The following MTHFD1L variants were observed in gnomAD, a reference collection of about 807,000 sequenced individuals.
MTHFD1L encodes methylenetetrahydrofolate dehydrogenase (NADP+ dependent) 1 like, also known as monofunctional C1-tetrahydrofolate synthase, mitochondrial.
MTHFD1L carries 81 observed loss-of-function variants against 119.5 expected under a neutral mutation model. The ratio of observed to expected loss-of-function variants is 0.68; its 90% confidence interval spans 0.57 to 0.82. The LOEUF (loss-of-function observed/expected upper bound fraction) is 0.82, where lower values mean the gene tolerates loss of function less well. Ranked by LOEUF, MTHFD1L falls within the 40% of genes least tolerant of loss-of-function variation. The probability of loss-of-function intolerance (pLI) is 0.00; values close to 1 mark genes in which losing one functional copy is unlikely to be tolerated. For synonymous variants in MTHFD1L, 430 were observed against 475.2 expected (o/e 0.90, Z 1.24); for missense variants, 1,125 against 1,253.4 (o/e 0.90, Z 1.55).
In MTHFD1L at chr6:150,998,822, C is replaced by CAAAA. The variant is rs72203332; in HGVS notation, c.2126-10984_2126-10981dup. 7.0e-4 allele frequency among the ~76,000 whole-genome samples: 71 copies of CAAAA among 101,126 alleles called. 1 individual carries two copies. The highest frequency in any genetic ancestry group is 2.4e-3 in the African/African-American group (67 of 27,526). The allele number at this position is 101,126 out of a possible 152,430, so 66.3% of individuals were successfully genotyped here. On this transcript the variant is annotated intron_variant, in intron 20 of 27. Coordinates refer to ENST00000367321, the MANE Select transcript of MTHFD1L (RefSeq NM_015440.5). ...TGAAACCCTGTCTCCTCTAAAAATA[C>CAAAA]AAAAAAAAAAAAAAAACATTAGCTG...
At chr6:150,872,623 A>G (rs1779728753) in intron 1 of MTHFD1L, among the ~76,000 whole-genome samples, 1 of 152,172 alleles carries the variant, frequency 6.6e-6, no homozygotes, top group South Asian at 2.1e-4. Flanking sequence ...AAAATGAAAA[A>G]GTTTGAAATA....
At position 150,887,879 on chromosome 6, in the gene MTHFD1L, G is replaced by T. The variant is rs752207290; in HGVS notation, c.678G>T (p.Val226=). The T allele has an allele frequency of 6.2e-7, 1 of 1,607,242 alleles. No individual in the cohort carries two copies. Among genetic ancestry groups the T allele is most frequent in the Non-Finnish European group, 8.5e-7 (1 of 1,177,372 alleles). The change falls in exon 7 of 28, where the codon GTG becomes GTT. Residue 226 remains valine (V), a synonymous_variant. Transcript: ENST00000367321. Reference sequence around the variant, plus strand: ...TAGATGGAAAGAAGATTTTGGTAGTGGGGGCCCATGGGTCTTTGGAAGCTG... The same window carrying T: ...TAGATGGAAAGAAGATTTTGGTAGTTGGGGCCCATGGGTCTTTGGAAGCTG... ...VNLDGKKILV[V]GAHGSLEAAL... is the part of the protein sequence containing the mutation.
chr6:151,094,403 C>T (rs931777280), intron 27 of MTHFD1L, among the ~76,000 whole-genome samples: 3 of 152,178 alleles, frequency 2.0e-5, no homozygotes, highest in Non-Finnish European at 4.4e-5. Context: ...CGCGCTATCA[C>T]CTAGGCTGGA....
At chr6:150,960,188 G>A in intron 17 of MTHFD1L, 87 bp from the exon 18 acceptor site, 1 of 1,493,186 alleles carries the variant, frequency 6.7e-7, no homozygotes, top group Non-Finnish European at 8.9e-7. Context: ...GCCTGTGGTT[G>A]CTTCATGGCT....
At chr6:151,051,467 G>C (rs1277956465) in intron 26 of MTHFD1L, among the ~76,000 whole-genome samples, 1 of 152,164 alleles carries the variant, frequency 6.6e-6, no homozygotes, top group Admixed American at 6.5e-5. Flanking sequence ...GCATAGTCAG[G>C]GATAAGAGGT....
At chr6:150,883,311 G>A (rs755245719) in intron 5 of MTHFD1L, among the ~76,000 whole-genome samples, 2 of 152,166 alleles carry the variant, frequency 1.3e-5, no homozygotes, top group South Asian at 4.1e-4. Context: ...GATTACAGGC[G>A]TGAGCCACCG....
chr6:150,893,121 G>A (rs1166567246), intron 7 of MTHFD1L, among the ~76,000 whole-genome samples: 1 of 152,188 alleles, frequency 6.6e-6, no homozygotes, highest in Non-Finnish European at 1.5e-5. Flanking sequence ...CTGGAGTGCA[G>A]TGGCGCGATC....
intron 26 of MTHFD1L, among the ~76,000 whole-genome samples, chr6:151,091,377 G>T (rs1372928966): frequency 2.0e-5 from 3 of 152,114 alleles, no homozygotes; most frequent in Non-Finnish European, 4.4e-5. Flanking sequence ...GGTCATCCGG[G>T]AGCCCCAGGA....
chr6:151,029,652 C>A (rs7746964), intron 24 of MTHFD1L, among the ~76,000 whole-genome samples: 2 of 151,784 alleles, frequency 1.3e-5, no homozygotes, highest in African/African-American at 4.8e-5. Flanking sequence ...CAAAATTAGC[C>A]GGGCGTGGTG....
At chr6:151,031,854 A>G (rs1486975208) in intron 24 of MTHFD1L, among the ~76,000 whole-genome samples, 1 of 152,066 alleles carries the variant, frequency 6.6e-6, no homozygotes, top group Non-Finnish European at 1.5e-5. Context: ...TATTGGGTTT[A>G]TTTGGAGGCC....
chr6:151,040,408 A>G (rs538638227), intron 26 of MTHFD1L, among the ~76,000 whole-genome samples: 2 of 152,230 alleles, frequency 1.3e-5, no homozygotes, highest in African/African-American at 2.4e-5. Context: ...TGAGCATTTA[A>G]TAGCCATTAA....
chr6:150,954,867 T>G (rs1795383404), intron 16 of MTHFD1L, among the ~76,000 whole-genome samples: 1 of 151,866 alleles, frequency 6.6e-6, no homozygotes. Context: ...CGCCTCAGCC[T>G]CCCAAAGTGC....
chr6:150,990,888 C>T (rs1354106562), intron 20 of MTHFD1L, among the ~76,000 whole-genome samples: 2 of 151,718 alleles, frequency 1.3e-5, no homozygotes, highest in Non-Finnish European at 2.9e-5. Context: ...TGTAGTCTCG[C>T]TCTGTCACCC....
At chr6:151,015,077 T>C in intron 23 of MTHFD1L, 97 bp downstream of exon 23, 1 of 954,348 alleles carries the variant, frequency 1.0e-6, no homozygotes, top group Non-Finnish European at 1.6e-6. Context: ...CTGTGCTTCA[T>C]CTAAAAGTAT....
intron 27 of MTHFD1L, among the ~76,000 whole-genome samples, chr6:151,100,135 G>A (rs1795251940): frequency 6.7e-6 from 1 of 149,984 alleles, no homozygotes; most frequent in East Asian, 2.0e-4. Context: ...CCGGGTTCAC[G>A]CCATTCTCCT....
At chr6:150,925,770 A>C (rs549144782) in intron 10 of MTHFD1L, among the ~76,000 whole-genome samples, 1 of 152,296 alleles carries the variant, frequency 6.6e-6, no homozygotes, top group African/African-American at 2.4e-5. Flanking sequence ...GCTAATGAAT[A>C]CCATGATGGC....
chr6:150,909,185 A>G (rs911832251), intron 8 of MTHFD1L, among the ~76,000 whole-genome samples: 25 of 152,002 alleles, frequency 1.6e-4, no homozygotes, highest in Non-Finnish European at 2.9e-4. Context: ...TGTTCACTCT[A>G]CTATTGCATG....
At position 150,887,893 on chromosome 6, in the gene MTHFD1L, C is replaced by T. The variant is rs1782579169; in HGVS notation, c.692C>T (p.Ser231Phe). The change falls in exon 7 of 28, where the codon TCT becomes TTT. Residue 231 changes from serine to phenylalanine, a missense_variant. Physicochemically the swap from Ser to Phe is radical, Grantham distance 155. Transcript: ENST00000367321. ...ATTTTGGTAGTGGGGGCCCATGGGT[C>T]TTTGGAAGCTGCTCTACAATGCCTG... Reference protein sequence around the residue: ...KKILVVGAHGSLEAALQCLFQ... With the variant: ...KKILVVGAHGFLEAALQCLFQ... 1.2e-6 allele frequency: 2 copies of T among 1,609,924 alleles called. No homozygotes were observed. The highest frequency in any genetic ancestry group is 4.5e-5 in the East Asian group (2 of 44,724).
At chr6:151,071,442 A>C (rs943960409) in intron 26 of MTHFD1L, among the ~76,000 whole-genome samples, 5 of 152,180 alleles carry the variant, frequency 3.3e-5, no homozygotes, top group Non-Finnish European at 7.3e-5. Context: ...TTCAACATGC[A>C]AGAGAATTGC....
Sources: allele counts gnomAD v4.1 joint callset (sites outside exome capture counted in the v4.1 genomes callset), GRCh38; gene constraint gnomAD v4.1.1; transcripts MANE v1.5; gene names NCBI Gene and HGNC (gene_info 2026-07-23, HGNC 2026-07-21).